Variants in CDKL5 observed in about 807,000 individuals in gnomAD.
CDKL5 encodes cyclin dependent kinase like 5.
A neutral mutation model predicts 61.7 loss-of-function variants in CDKL5; 8 were observed. That is an observed-to-expected ratio of 0.13 (90% CI 0.08 to 0.23). The LOEUF (loss-of-function observed/expected upper bound fraction) is 0.23. CDKL5 is among the 10% of genes least tolerant of loss of function. The pLI is 1.00. For synonymous variants in CDKL5, 275 were observed against 272.3 expected, an observed-to-expected ratio of 1.01 and a Z score of -0.10; for missense variants, 440 against 734.5, an observed-to-expected ratio of 0.60 and a Z score of 4.63.
chrX:18,635,662 T>C lies in CDKL5; in HGVS notation c.*6905T>C, dbSNP rs1426355543. ...ATTTTGAAAACTTTGGTTTGTTTTA[T>C]ACTTGAGTGTTGTCACCTTTGCACG... On this transcript the variant is annotated 3_prime_UTR_variant, in exon 18 of 18. Coordinates refer to ENST00000623535, the MANE Select transcript of CDKL5 (RefSeq NM_001323289.2). The C allele has an allele frequency of 1.6e-5, 12 of 731,830 alleles. No homozygotes were observed. Among genetic ancestry groups the C allele is most frequent in the African/African-American group, 4.7e-5 (2 of 43,010 alleles). The allele number at this position is 731,830 out of a possible 1,213,427, so 60.3% of individuals were successfully genotyped here. A position where few individuals can be genotyped will look rare whatever the true frequency, so the allele number is the denominator to read the frequency against.
intron 3 of CDKL5, among the ~76,000 whole-genome samples, chrX:18,547,498 T>G (rs1924239303): frequency 8.9e-6 from 1 of 112,552 alleles, no homozygotes; most frequent in African/African-American, 3.2e-5. Context: ...TCAGTGATGT[T>G]CTTGACATCA....
rs898282185 is a variant in CDKL5 at position 18,629,318 on chromosome X, C to T, written c.*561C>T. On this transcript the variant is annotated 3_prime_UTR_variant, in exon 18 of 18. Transcript: ENST00000623535. ...ATAATTAATATTGTACTGTTAAAATCATATCTTTTATGTTATAATGTAAAG... is the reference window on the plus strand; with the variant it reads ...ATAATTAATATTGTACTGTTAAAATTATATCTTTTATGTTATAATGTAAAG... 1.7e-5 allele frequency: 11 copies of T among 650,988 alleles called. No individual in the cohort carries two copies. The African/African-American group carries it at 2.4e-4, about 14-fold the overall frequency. The allele number at this position is 650,988 out of a possible 1,213,427, so 53.6% of individuals were successfully genotyped here.
At chrX:18,612,075 G>A (rs1024752878) in intron 14 of CDKL5, among the ~76,000 whole-genome samples, 2 of 111,798 alleles carry the variant, frequency 1.8e-5, no homozygotes, top group Admixed American at 1.9e-4. Context: ...CCCCCCAAAA[G>A]CAGAAAAGTA....
intron 3 of CDKL5, among the ~76,000 whole-genome samples, 176 bp from the exon 4 acceptor site, chrX:18,564,301 A>G (rs1032551092): frequency 9.1e-6 from 1 of 110,417 alleles, no homozygotes; most frequent in African/African-American, 3.3e-5. Flanking sequence ...TTGTGGGGTG[A>G]TAAGAAAGAG....
intron 3 of CDKL5, among the ~76,000 whole-genome samples, chrX:18,527,746 G>A (rs748324118): frequency 1.2e-3 from 134 of 110,615 alleles, no homozygotes; most frequent in Admixed American, 3.6e-3. Context: ...TTTCTTCTCC[G>A]TGTTTTAGGC....
chrX:18,651,260 TGTGTGA>T lies in CDKL5; in HGVS notation c.2980+670_2980+675del, dbSNP rs1378639826. ...GTGTGTGTGTGTGTGTGTGTGTGTG[TGTGTGA>T]GAGAGAGAGAGAGAGAGAGAGACAG... On this transcript the variant is annotated intron_variant, in intron 21 of 21. Transcript: ENST00000379989. Among the ~76,000 whole-genome samples the T allele has an allele frequency of 3.7e-3, 303 of 81,570 alleles. 1 individual carries two copies. Among genetic ancestry groups the T allele is most frequent in the African/African-American group, 8.1e-3 (178 of 22,033 alleles). 70.8% of individuals were successfully genotyped at this position (81,570 alleles called of 115,157 possible).
intron 3 of CDKL5, among the ~76,000 whole-genome samples, chrX:18,548,198 G>A (rs1342682403): frequency 9.2e-6 from 1 of 108,708 alleles, no homozygotes; most frequent in Admixed American, 9.9e-5. Flanking sequence ...GTATTGAGGC[G>A]TGCCTGGGCA....
intron 17 of CDKL5, 85 bp from the exon 18 acceptor site, chrX:18,628,286 C>A: frequency 2.0e-6 from 2 of 991,154 alleles, no homozygotes; most frequent in Non-Finnish European, 2.9e-6. Context: ...CACACCCAGT[C>A]ACCTCACCTC....
intron 1 of CDKL5, among the ~76,000 whole-genome samples, chrX:18,494,992 G>A (rs1922119416): frequency 8.9e-6 from 1 of 111,947 alleles, no homozygotes; most frequent in Non-Finnish European, 1.9e-5. Context: ...CTTTACAAAA[G>A]GGTAATTAAT....
chrX:18,584,250 T>C lies in CDKL5; in HGVS notation c.464-13T>C, dbSNP rs776099061. The C allele has an allele frequency of 8.7e-7, 1 of 1,149,802 alleles. No individual in the cohort carries two copies. The highest frequency in any genetic ancestry group is 1.2e-6 in the Non-Finnish European group (1 of 838,755). The allele number at this position is 1,149,802 out of a possible 1,213,427, so 94.8% of individuals were successfully genotyped here. On this transcript the variant is annotated splice_polypyrimidine_tract_variant and intron_variant, in intron 7 of 17. Coordinates refer to ENST00000623535, the MANE Select transcript of CDKL5 (RefSeq NM_001323289.2). The stretch of plus-strand genomic sequence containing the variant: ...TTTTCAAAGTTACAACTTTGGACTT[T>C]GCTATCTTTCAGGTTTTGCTCGTAA...
At chrX:18,438,218 C>T (rs1931652958) in intron 1 of CDKL5, among the ~76,000 whole-genome samples, 1 of 109,884 alleles carries the variant, frequency 9.1e-6, no homozygotes, top group Non-Finnish European at 1.9e-5. Context: ...GGCATGTGCC[C>T]CCACGCCCGG....
chrX:18,642,736 T>A (rs1420578351), downstream of CDKL5, among the ~76,000 whole-genome samples: 1 of 112,555 alleles, frequency 8.9e-6, no homozygotes, highest in Non-Finnish European at 1.9e-5. Context: ...GAAAATGTTT[T>A]TTTAAAAAGA....
chrX:18,528,585 C>CCTCT (rs752729307), intron 3 of CDKL5, among the ~76,000 whole-genome samples: 4 of 103,817 alleles, frequency 3.9e-5, no homozygotes, highest in South Asian at 4.3e-4. Flanking sequence ...TCCCTCCCTG[C>CCTCT]CTCTCTCTCT....
intron 4 of CDKL5, 116 bp from the exon 5 acceptor site, chrX:18,575,238 T>A: frequency 1.7e-6 from 1 of 605,016 alleles, no homozygotes; most frequent in Non-Finnish European, 2.7e-6. Context: ...GTACTTCTTA[T>A]GCAGAAGTAC....
intron 1 of CDKL5, among the ~76,000 whole-genome samples, chrX:18,447,318 G>A (rs192748731): frequency 9.0e-6 from 1 of 111,180 alleles, no homozygotes; most frequent in East Asian, 2.8e-4. Flanking sequence ...ATTATCTTAT[G>A]CCTAAGATTC....
At chrX:18,617,965 C>T (rs745719850) in intron 15 of CDKL5, among the ~76,000 whole-genome samples, 3 of 111,674 alleles carry the variant, frequency 2.7e-5, no homozygotes, top group Admixed American at 1.9e-4. Context: ...ATTGAGCTTT[C>T]CTTTTATTAC....
downstream of CDKL5, among the ~76,000 whole-genome samples, chrX:18,642,926 T>A (rs965258609): frequency 2.4e-4 from 27 of 110,237 alleles, no homozygotes; most frequent in Non-Finnish European, 4.4e-4. Flanking sequence ...TGCCTGTAAA[T>A]CCCAGCTACT....
At chrX:18,476,539 G>T (rs1921318420) in intron 1 of CDKL5, among the ~76,000 whole-genome samples, 1 of 111,414 alleles carries the variant, frequency 9.0e-6, no homozygotes, top group Admixed American at 9.6e-5. Flanking sequence ...TTTAGTAATT[G>T]ATTTTTGATT....
chrX:18,592,637 C>T (rs1180147261), intron 9 of CDKL5, among the ~76,000 whole-genome samples: 1 of 112,515 alleles, frequency 8.9e-6, no homozygotes, highest in Non-Finnish European at 1.9e-5. Flanking sequence ...ACATTTTAGT[C>T]TGAAAGTGTT....
Sources: allele counts gnomAD v4.1 joint callset (sites outside exome capture counted in the v4.1 genomes callset), GRCh38; gene constraint gnomAD v4.1.1; transcripts MANE v1.5; gene names NCBI Gene and HGNC (gene_info 2026-07-23, HGNC 2026-07-21).